The following PBLD variants were observed in gnomAD, a reference collection of about 807,000 sequenced individuals.
PBLD encodes phenazine biosynthesis-like domain-containing protein.
PBLD carries 26 observed loss-of-function variants against 31.3 expected under a neutral mutation model. That is an observed-to-expected ratio of 0.83 (90% CI 0.61 to 1.15). The LOEUF is 1.15. PBLD is among the 50% of genes most tolerant of loss of function. PBLD has a pLI of 0.00. For synonymous variants in PBLD, 114 were observed against 129.0 expected, an observed-to-expected ratio of 0.88 and a Z score of 0.79; for missense variants, 307 against 351.7, an observed-to-expected ratio of 0.87 and a Z score of 1.02.
intron 9 of PBLD, chr10:68,285,028 C>T (rs1347364892): frequency 2.9e-5 from 34 of 1,186,830 alleles, no homozygotes; most frequent in Non-Finnish European, 3.5e-5. Context: ...CAGTAAGGAA[C>T]CTTGGTCATC....
intron 1 of PBLD, among the ~76,000 whole-genome samples, chr10:68,324,030 G>T (rs1283072943): frequency 6.6e-6 from 1 of 152,182 alleles, no homozygotes; most frequent in African/African-American, 2.4e-5. Context: ...TATTTCCTAT[G>T]TCAGTTAAAA....
At chr10:68,290,494 G>A (rs1327805280) in intron 6 of PBLD, among the ~76,000 whole-genome samples, 1 of 152,102 alleles carries the variant, frequency 6.6e-6, no homozygotes, top group Admixed American at 6.5e-5. Context: ...GAGGCAGGCG[G>A]ATCACCTGAG....
chr10:68,285,258 A>G, intron 9 of PBLD, 90 bp downstream of exon 9: 2 of 1,605,346 alleles, frequency 1.2e-6, no homozygotes, highest in Non-Finnish European at 1.7e-6. Context: ...ATGACATTGT[A>G]TTACATTTTC....
At chr10:68,294,041 C>T (rs1564726720) in intron 4 of PBLD, among the ~76,000 whole-genome samples, 1 of 152,172 alleles carries the variant, frequency 6.6e-6, no homozygotes, top group Non-Finnish European at 1.5e-5. Flanking sequence ...TTTTTCAAGA[C>T]TCAATTCCTA....
In PBLD at chr10:68,283,721, A is replaced by T. The variant is rs1186262612; in HGVS notation, c.*456T>A. On this transcript the variant is annotated 3_prime_UTR_variant, in exon 10 of 10. Transcript: ENST00000358769. ...CTGGAAGCACTATTAAATCTCCATT[A>T]AAATGTCTTCACTTTTCAATTTTGT... 6.5e-6 allele frequency: 1 copy of T among 154,436 alleles called. No homozygotes were observed. The highest frequency in any genetic ancestry group is 2.4e-5 in the African/African-American group (1 of 41,056). 9.6% of individuals were successfully genotyped at this position (154,436 alleles called of 1,614,324 possible).
At chr10:68,300,960 C>T (rs1361666467) in intron 2 of PBLD, among the ~76,000 whole-genome samples, 5 of 152,014 alleles carry the variant, frequency 3.3e-5, no homozygotes, top group Non-Finnish European at 5.9e-5. Context: ...TGCAGTGGTG[C>T]GATCTGGCTC....
chr10:68,285,380 C>A lies in PBLD; in HGVS notation c.722G>T (p.Trp241Leu), dbSNP rs2044273360. ...TTCTTTCTTCCCCAGATGCTGGGAC[C>A]AGTAGCTGCTGAGAACAGCGTGTGC... The part of the protein sequence containing the change: ...GSAHAVLSSY[W>L]SQHLGKKEMH... The change falls in exon 9 of 10, where the codon TGG (tryptophan) becomes TTG (leucine). Residue 241 changes from tryptophan to leucine, a missense_variant. Transcript: ENST00000358769. The A allele has an allele frequency of 1.2e-6, 2 of 1,613,996 alleles. No individual in the cohort carries two copies. Among genetic ancestry groups the A allele is most frequent in the Admixed American group, 3.3e-5 (2 of 60,008 alleles).
chr10:68,330,156 T>C (rs1277547942), intron 1 of PBLD, among the ~76,000 whole-genome samples: 1 of 152,062 alleles, frequency 6.6e-6, no homozygotes, highest in African/African-American at 2.4e-5. Context: ...TTCCACTGAG[T>C]ATTTTTAGGG....
At chr10:68,316,532 G>C (rs888524372) in intron 1 of PBLD, among the ~76,000 whole-genome samples, 1 of 152,152 alleles carries the variant, frequency 6.6e-6, no homozygotes, top group East Asian at 1.9e-4. Context: ...TGCATAATGA[G>C]AGTCCCAGAA....
chr10:68,318,803 C>A (rs968716611), intron 1 of PBLD, among the ~76,000 whole-genome samples: 22 of 151,664 alleles, frequency 1.5e-4, no homozygotes, highest in African/African-American at 5.3e-4. Context: ...CAGTGGCTCA[C>A]GTCTATAATC....
intron 4 of PBLD, among the ~76,000 whole-genome samples, chr10:68,293,151 C>T (rs1367313930): frequency 6.6e-6 from 1 of 152,234 alleles, no homozygotes; most frequent in Non-Finnish European, 1.5e-5. Context: ...TGAACCACTG[C>T]ACCCAGCCTG....
intron 1 of PBLD, among the ~76,000 whole-genome samples, chr10:68,308,882 T>TGTTTG (rs1480555644): frequency 1.7e-5 from 1 of 57,890 alleles, no homozygotes; most frequent in African/African-American, 5.9e-5. Flanking sequence ...GTGTGTGTGT[T>TGTTTG]TGTGTGTGTG....
intron 4 of PBLD, among the ~76,000 whole-genome samples, chr10:68,293,791 A>G (rs546462987): frequency 3.1e-4 from 47 of 152,208 alleles, no homozygotes; most frequent in African/African-American, 8.4e-4. Context: ...CTTGGCCAAC[A>G]TGGTAAAACC....
intron 1 of PBLD, among the ~76,000 whole-genome samples, chr10:68,325,091 A>G (rs2044896910): frequency 6.6e-6 from 1 of 151,812 alleles, no homozygotes; most frequent in Non-Finnish European, 1.5e-5. Flanking sequence ...TGAAAATACA[A>G]AAAGTAGCCA....
intron 1 of PBLD, among the ~76,000 whole-genome samples, chr10:68,323,202 C>T (rs2044862001): frequency 6.6e-6 from 1 of 151,834 alleles, no homozygotes; most frequent in South Asian, 2.1e-4. Flanking sequence ...AGCTTTTAAG[C>T]AGATCCTACC....
chr10:68,305,840 AAGTTCC>A (rs1480269889), intron 2 of PBLD, among the ~76,000 whole-genome samples: 3 of 152,160 alleles, frequency 2.0e-5, no homozygotes, highest in South Asian at 2.1e-4. Context: ...AGCATTTTCA[AAGTTCC>A]TTGGGTGATT....
chr10:68,302,862 GA>G (rs1441908475), intron 2 of PBLD, among the ~76,000 whole-genome samples: 1 of 119,586 alleles, frequency 8.4e-6, no homozygotes, highest in Admixed American at 9.3e-5. Flanking sequence ...AAAAAAATTA[GA>G]ATTTAAAAAA....
intron 4 of PBLD, among the ~76,000 whole-genome samples, chr10:68,294,980 A>G (rs903326918): frequency 6.6e-6 from 1 of 151,556 alleles, no homozygotes; most frequent in African/African-American, 2.4e-5. Flanking sequence ...CCTTGTTTCC[A>G]TTTCCGTTTG....
intron 1 of PBLD, among the ~76,000 whole-genome samples, chr10:68,321,787 G>A (rs2044838518): frequency 6.6e-6 from 1 of 152,256 alleles, no homozygotes; most frequent in Middle Eastern, 3.4e-3. Context: ...AACAATTTGA[G>A]TAACAAAAGA....
Sources: gnomAD v4.1 joint callset for allele counts (sites outside exome capture counted in the v4.1 genomes callset) on GRCh38, gnomAD v4.1.1 for gene constraint, MANE v1.5 for transcripts, NCBI Gene and HGNC (gene_info 2026-07-23, HGNC 2026-07-21) for gene names.